TTC17: variants seen among roughly 807,000 people sequenced by gnomAD.
The protein encoded by TTC17 is tetratricopeptide repeat protein 17.
A neutral mutation model predicts 143.8 loss-of-function variants in TTC17; 58 were observed. That is an observed-to-expected ratio of 0.40 (90% CI 0.33 to 0.50). The LOEUF (loss-of-function observed/expected upper bound fraction) is 0.50, where lower values mean the gene tolerates loss of function less well. TTC17 is among the 20% of genes least tolerant of loss of function. The probability of loss-of-function intolerance (pLI) is 0.49; values close to 1 mark genes in which losing one functional copy is unlikely to be tolerated. For missense variants in TTC17, 1,273 were observed against 1,392.5 expected, an observed-to-expected ratio of 0.91 and a Z score of 1.37; for synonymous variants, 501 against 497.8, an observed-to-expected ratio of 1.01 and a Z score of -0.09.
At chr11:43,364,329 T>C (rs187137573) in intron 1 of TTC17, among the ~76,000 whole-genome samples, 195 of 152,254 alleles carry the variant, frequency 1.3e-3, no homozygotes, top group Non-Finnish European at 2.0e-3. Context: ...AGTGCTGGGA[T>C]TACAGGTGTG....
Position 43,397,504 on chromosome 11 carries a change from C to A in TTC17, c.918+13C>A. The A allele has an allele frequency of 6.4e-7, 1 of 1,559,860 alleles. No individual in the cohort carries two copies. ...GAATATATATGCAGTAAGTACTACT[C>A]TTTGTTTCATGAGTCATGCTAGTTG... On this transcript the variant is annotated intron_variant, in intron 7 of 23. Transcript: ENST00000039989.
chr11:43,372,236 G>GTTCCTT (rs917226981), intron 1 of TTC17, among the ~76,000 whole-genome samples: 3 of 150,632 alleles, frequency 2.0e-5, no homozygotes, highest in African/African-American at 7.3e-5. Context: ...AAATAGTATA[G>GTTCCTT]TTCCTTTAAC....
intron 2 of TTC17, among the ~76,000 whole-genome samples, chr11:43,388,483 G>C (rs1857251935): frequency 6.6e-6 from 1 of 150,566 alleles, no homozygotes; most frequent in Non-Finnish European, 1.5e-5. Context: ...TTAATTATAA[G>C]AAGTTAGAGA....
intron 16 of TTC17, among the ~76,000 whole-genome samples, chr11:43,418,284 A>G (rs540788365): frequency 7.2e-5 from 11 of 152,306 alleles, no homozygotes; most frequent in African/African-American, 2.6e-4. Flanking sequence ...CCTCTTTTGA[A>G]TAAAATTTCA....
chr11:43,403,839 G>A (rs1857985333), intron 10 of TTC17, among the ~76,000 whole-genome samples, 159 bp from the exon 11 acceptor site: 2 of 133,254 alleles, frequency 1.5e-5, no homozygotes, highest in Non-Finnish European at 3.6e-5. Context: ...AATATCGTTG[G>A]GGCATAGTTC....
chr11:43,364,963 G>A (rs1021906503), intron 1 of TTC17, among the ~76,000 whole-genome samples: 9 of 151,506 alleles, frequency 5.9e-5, no homozygotes, highest in African/African-American at 1.7e-4. Flanking sequence ...GTACCACCAC[G>A]CCCGGCTAAT....
At chr11:43,394,715 G>T (rs1857514316) in intron 5 of TTC17, among the ~76,000 whole-genome samples, 3 of 152,100 alleles carry the variant, frequency 2.0e-5, no homozygotes, top group South Asian at 4.2e-4. Flanking sequence ...AGTTAGAGTT[G>T]GGCACATAGA....
At chr11:43,373,631 A>G (rs1317231367) in intron 1 of TTC17, among the ~76,000 whole-genome samples, 1 of 152,194 alleles carries the variant, frequency 6.6e-6, no homozygotes, top group Non-Finnish European at 1.5e-5. Context: ...CCCTAAAAGA[A>G]GCTTTTAACA....
chr11:43,398,576 G>A (rs1857715809), intron 8 of TTC17, among the ~76,000 whole-genome samples: 1 of 152,162 alleles, frequency 6.6e-6, no homozygotes, highest in Non-Finnish European at 1.5e-5. Flanking sequence ...GTAGTTAAAT[G>A]GCATTGAGAG....
At chr11:43,435,090 GA>G in intron 16 of TTC17, 1 of 146,168 alleles carries the variant, frequency 6.8e-6, no homozygotes, top group Non-Finnish European at 1.5e-5. Context: ...TAGATAGATA[GA>G]TAGATAGATA....
intron 21 of TTC17, among the ~76,000 whole-genome samples, chr11:43,479,898 C>T (rs2134859801): frequency 6.6e-6 from 1 of 152,146 alleles, no homozygotes; most frequent in East Asian, 1.9e-4. Flanking sequence ...AGCCTTGTGG[C>T]AGAAGGGTGC....
rs117169104 is a variant in TTC17 at position 43,443,202 on chromosome 11, T to C, written c.2252-123T>C. 9.0e-3 allele frequency: 9,656 copies of C among 1,069,952 alleles called. 76 individuals carry two copies. Among genetic ancestry groups the C allele is most frequent in the Non-Finnish European group, 0.012 (8,792 of 760,318 alleles). The allele number at this position is 1,069,952 out of a possible 1,614,324, so 66.3% of individuals were successfully genotyped here. ...GATGCTGAATGGAATTTTTATTACA[T>C]TGGGCTATAGTAGTGCCTCTAAGCA... On this transcript the variant is annotated intron_variant, in intron 16 of 23. Transcript: ENST00000039989.
chr11:43,378,443 C>T (rs1290699003), intron 1 of TTC17, among the ~76,000 whole-genome samples: 1 of 152,174 alleles, frequency 6.6e-6, no homozygotes, highest in African/African-American at 2.4e-5. Flanking sequence ...TTCCATTGGA[C>T]AGTGGGTCTC....
chr11:43,435,723 G>A (rs1464253777), intron 16 of TTC17, among the ~76,000 whole-genome samples: 1 of 152,010 alleles, frequency 6.6e-6, no homozygotes, highest in East Asian at 1.9e-4. Flanking sequence ...CTCACCTTTT[G>A]GTATATCTCA....
intron 21 of TTC17, among the ~76,000 whole-genome samples, chr11:43,463,117 T>C (rs1947902978): frequency 6.6e-6 from 1 of 152,004 alleles, no homozygotes; most frequent in Non-Finnish European, 1.5e-5. Context: ...GGTTTCACCA[T>C]ATTGGCCAGG....
chr11:43,384,351 G>GT (rs1857093238), intron 2 of TTC17, among the ~76,000 whole-genome samples: 1 of 152,106 alleles, frequency 6.6e-6, no homozygotes, highest in African/African-American at 2.4e-5. Flanking sequence ...TCTTGTTTTG[G>GT]TTTTTTAATT....
Position 43,414,658 on chromosome 11 carries a change from C to CTAAA in TTC17, c.2134_2135insAAAT (p.Phe712Ter). The CTAAA allele has an allele frequency of 6.2e-7, 1 of 1,613,712 alleles. No homozygotes were observed. Among genetic ancestry groups the CTAAA allele is most frequent in the Non-Finnish European group, 8.5e-7 (1 of 1,179,772 alleles). ...AGAATATCAGTGGGGCACTTGAGGC[C>CTAAA]TTTAGACAGGCCTTGAAATTAACCA... On this transcript the variant is annotated stop_gained and frameshift_variant, in exon 16 of 24. Coordinates refer to ENST00000039989, the MANE Select transcript of TTC17 (RefSeq NM_018259.6). LOFTEE classifies it high-confidence loss of function.
At chr11:43,408,118 A>G (rs1858229547) in intron 15 of TTC17, among the ~76,000 whole-genome samples, 1 of 152,170 alleles carries the variant, frequency 6.6e-6, no homozygotes, top group Admixed American at 6.6e-5. Flanking sequence ...GGTTTTTCAT[A>G]TTTTAACATC....
chr11:43,475,667 C>G (rs1394451204), intron 21 of TTC17, among the ~76,000 whole-genome samples: 1 of 152,176 alleles, frequency 6.6e-6, no homozygotes, highest in Non-Finnish European at 1.5e-5. Flanking sequence ...TTGCATTATT[C>G]TGCTTGAGCA....
Sources: allele counts gnomAD v4.1 joint callset (sites outside exome capture counted in the v4.1 genomes callset), GRCh38; gene constraint gnomAD v4.1.1; transcripts MANE v1.5; gene names NCBI Gene and HGNC (gene_info 2026-07-23, HGNC 2026-07-21).